The following DAB1 variants were observed in gnomAD, a reference collection of about 807,000 sequenced individuals.
DAB1 encodes disabled homolog 1.
A neutral mutation model predicts 64.6 loss-of-function variants in DAB1; 15 were observed. That is an observed-to-expected ratio of 0.23 (90% CI 0.16 to 0.36). The LOEUF (loss-of-function observed/expected upper bound fraction) is 0.36. Among genes scored for constraint, DAB1 ranks in the 10% least tolerant of loss-of-function variants. The probability of loss-of-function intolerance (pLI) is 1.00; values close to 1 mark genes in which losing one functional copy is unlikely to be tolerated. For missense variants in DAB1, 596 were observed against 706.7 expected (o/e 0.84, Z 1.78); for synonymous variants, 235 against 251.9 (o/e 0.93, Z 0.64).
At chr1:57,091,950 GA>G (rs1419634640) in intron 4 of DAB1, among the ~76,000 whole-genome samples, 1 of 152,192 alleles carries the variant, frequency 6.6e-6, no homozygotes, top group Non-Finnish European at 1.5e-5. Flanking sequence ...AGAAGTGGGA[GA>G]GTAAGGATTT....
At chr1:58,381,203 A>G (rs1297493919) in intron 3 of DAB1, among the ~76,000 whole-genome samples, 2 of 152,230 alleles carry the variant, frequency 1.3e-5, no homozygotes, top group African/African-American at 4.8e-5. Flanking sequence ...GTTGGGCTTA[A>G]TACCCAGGTG....
intron 7 of DAB1, among the ~76,000 whole-genome samples, chr1:57,573,545 T>C (rs542853596): frequency 8.9e-4 from 136 of 152,364 alleles, no homozygotes; most frequent in African/African-American, 3.2e-3. Flanking sequence ...GTTATTGCTC[T>C]AAACAAATAG....
chr1:58,242,056 T>C (rs1392404232), intron 4 of DAB1, among the ~76,000 whole-genome samples: 1 of 152,044 alleles, frequency 6.6e-6, no homozygotes, highest in Non-Finnish European at 1.5e-5. Context: ...AATTACTGAA[T>C]AAAAATCAAT....
chr1:57,362,515 C>T (rs1157086990), intron 1 of DAB1, among the ~76,000 whole-genome samples: 1 of 152,030 alleles, frequency 6.6e-6, no homozygotes, highest in African/African-American at 2.4e-5. Context: ...ATCCTAATTG[C>T]CAATGTGATG....
chr1:58,091,899 TTTTC>T (rs1015389048), intron 5 of DAB1, among the ~76,000 whole-genome samples: 3 of 150,954 alleles, frequency 2.0e-5, no homozygotes, highest in Admixed American at 1.3e-4. Flanking sequence ...CTGATTTTTT[TTTTC>T]TTTATCAGTT....
intron 4 of DAB1, among the ~76,000 whole-genome samples, chr1:58,309,292 C>G (rs1166011694): frequency 6.6e-6 from 1 of 152,162 alleles, no homozygotes; most frequent in Non-Finnish European, 1.5e-5. Flanking sequence ...TACAACATCA[C>G]TTTCGGAGCC....
intron 3 of DAB1, among the ~76,000 whole-genome samples, chr1:58,431,738 T>C (rs1644877017): frequency 6.6e-6 from 1 of 152,180 alleles, no homozygotes; most frequent in African/African-American, 2.4e-5. Context: ...TTCTTCCCTT[T>C]TTTTTTCTTT....
intron 7 of DAB1, among the ~76,000 whole-genome samples, chr1:57,508,290 G>A (rs1644368480): frequency 6.6e-6 from 1 of 152,126 alleles, no homozygotes; most frequent in Non-Finnish European, 1.5e-5. Context: ...CCTGATGAGG[G>A]CAGAGGCTTC....
chr1:57,303,814 G>T (rs915617599), intron 1 of DAB1, among the ~76,000 whole-genome samples: 2 of 152,112 alleles, frequency 1.3e-5, no homozygotes, highest in Non-Finnish European at 1.5e-5. Context: ...AGATACCCAG[G>T]ATTCTTCCTG....
At chr1:58,142,737 C>CT (rs1654358738) in intron 5 of DAB1, among the ~76,000 whole-genome samples, 2 of 152,240 alleles carry the variant, frequency 1.3e-5, no homozygotes, top group South Asian at 4.1e-4. Flanking sequence ...CGTTCTCATG[C>CT]TTCAAGGCCT....
chr1:58,010,715 G>T (rs966569242), intron 5 of DAB1, among the ~76,000 whole-genome samples: 2 of 152,082 alleles, frequency 1.3e-5, no homozygotes, highest in Admixed American at 6.5e-5. Flanking sequence ...GTTCCATTTT[G>T]TACTAGTCCT....
intron 1 of DAB1, among the ~76,000 whole-genome samples, chr1:57,856,429 T>C (rs2101934789): frequency 6.6e-6 from 1 of 152,278 alleles, no homozygotes; most frequent in East Asian, 1.9e-4. Context: ...CACTTGATAA[T>C]AAAAGTAGTT....
intron 4 of DAB1, among the ~76,000 whole-genome samples, chr1:57,089,239 C>T (rs1360085895): frequency 1.3e-5 from 2 of 152,190 alleles, no homozygotes; most frequent in Admixed American, 6.5e-5. Context: ...GGAATAACTT[C>T]TCTGTTTATG....
chr1:58,528,425 T>C (rs61781813), intron 1 of DAB1, among the ~76,000 whole-genome samples: 12,303 of 152,298 alleles, frequency 0.081, 522 homozygotes, highest in Middle Eastern at 0.16. Context: ...TAACAGCTCA[T>C]ATTTATTGAG....
At chr1:57,050,044 G>A (rs1649018958) in intron 9 of DAB1, among the ~76,000 whole-genome samples, 1 of 152,076 alleles carries the variant, frequency 6.6e-6, no homozygotes, top group Non-Finnish European at 1.5e-5. Context: ...TGCTAACACT[G>A]TCTCTTCTGT....
At chr1:58,069,315 G>C (rs1016421692) in intron 5 of DAB1, among the ~76,000 whole-genome samples, 43 of 152,134 alleles carry the variant, frequency 2.8e-4, no homozygotes, top group African/African-American at 1.0e-3. Context: ...CAGACACAGA[G>C]ATTAAGTTTG....
chr1:57,295,703 T>A (rs115511258), intron 1 of DAB1, among the ~76,000 whole-genome samples: 2,422 of 152,216 alleles, frequency 0.016, 57 homozygotes, highest in African/African-American at 0.056. Flanking sequence ...TTGTTTTTCA[T>A]AGGGAGAACT....
At chr1:58,162,325 A>G (rs76827340) in intron 4 of DAB1, among the ~76,000 whole-genome samples, 1,658 of 152,318 alleles carry the variant, frequency 0.011, 32 homozygotes, top group African/African-American at 0.038. Flanking sequence ...GTCAGCCCAC[A>G]GCAACCTTGT....
intron 6 of DAB1, among the ~76,000 whole-genome samples, chr1:57,665,132 T>G (rs1646431071): frequency 6.6e-6 from 1 of 152,056 alleles, no homozygotes; most frequent in Non-Finnish European, 1.5e-5. Context: ...GCAATGCTTC[T>G]TCTATAAAAA....
Sources: gnomAD v4.1 joint callset for allele counts (sites outside exome capture counted in the v4.1 genomes callset) on GRCh38, gnomAD v4.1.1 for gene constraint, MANE v1.5 for transcripts, NCBI Gene and HGNC (gene_info 2026-07-23, HGNC 2026-07-21) for gene names.